The following HEATR4 variants were observed in gnomAD, a reference collection of about 807,000 sequenced individuals.
HEATR4 encodes the protein HEAT repeat-containing protein 4.
A neutral mutation model predicts 108.8 loss-of-function variants in HEATR4; 95 were observed. That is an observed-to-expected ratio of 0.87 (90% confidence interval 0.74 to 1.04). The LOEUF (loss-of-function observed/expected upper bound fraction) is 1.04. HEATR4 is among the 50% of genes least tolerant of loss of function. The pLI is 0.00. For missense variants in HEATR4, 1,152 were observed against 1,253.8 expected, an observed-to-expected ratio of 0.92 and a Z score of 1.23; for synonymous variants, 443 against 459.4, an observed-to-expected ratio of 0.96 and a Z score of 0.46.
rs1208022248 is a variant in HEATR4 at position 73,535,329 on chromosome 14, T to A, written c.-151-5085A>T. On this transcript the variant is annotated intron_variant, in intron 1 of 17. Transcript: ENST00000553558. ...TGAAAAGGTCATACCAGTTTATATA[T>A]CCACCAATATGAGTTTCTTTTCCAA... Among the ~76,000 whole-genome samples, 2 of 113,982 alleles carry A rather than the reference T, an allele frequency of 1.8e-5. 1 individual carries two copies. The highest frequency in any genetic ancestry group is 3.8e-5 in the Non-Finnish European group (2 of 52,534). 74.8% of individuals were successfully genotyped at this position (113,982 alleles called of 152,430 possible). A position where few individuals can be genotyped will look rare whatever the true frequency, so the allele number is the denominator to read the frequency against.
intron 1 of HEATR4, chr14:73,537,047 G>T: frequency 1.2e-5 from 2 of 164,648 alleles, no homozygotes; most frequent in Non-Finnish European, 1.1e-5. Flanking sequence ...GCAGTGGCAT[G>T]ATCTTGGCCA....
intron 7 of HEATR4, among the ~76,000 whole-genome samples, chr14:73,509,880 T>A (rs1288833075): frequency 3.2e-5 from 4 of 125,686 alleles, no homozygotes; most frequent in African/African-American, 1.2e-4. Flanking sequence ...TTATTTATTT[T>A]ATATATTTTT....
chr14:73,619,841 A>G, the HEATR4 span: 1 of 1,585,380 alleles, frequency 6.3e-7, no homozygotes, highest in African/African-American at 1.4e-5. Flanking sequence ...AAAATATAAC[A>G]TTGTAGCCAC....
In HEATR4 at chr14:73,492,099, G is replaced by A. The variant is rs753234159; in HGVS notation, c.2844+967C>T. ...GGTAGGAAACTCTGGCGTGTATACC[G>A]ACCCCGAGTCCCAACCGAGGAACTG... On this transcript the variant is annotated intron_variant, in intron 17 of 17. Coordinates refer to ENST00000553558, the MANE Select transcript of HEATR4 (RefSeq NM_001220484.1). The surrounding 1 kb of genome is among the most constrained non-coding windows in gnomAD (Gnocchi z 4.9). The A allele has an allele frequency of 8.1e-6, 13 of 1,613,882 alleles. No homozygotes were observed. The South Asian group carries it at 1.4e-4, about 18-fold the overall frequency.
chr14:73,587,551 T>G, the HEATR4 span, among the ~76,000 whole-genome samples: 1 of 152,196 alleles, frequency 6.6e-6, no homozygotes, highest in African/African-American at 2.4e-5. Context: ...AGACGGGGTT[T>G]TGCCACATTG....
chr14:73,589,662 T>C, the HEATR4 span, among the ~76,000 whole-genome samples: 10 of 152,242 alleles, frequency 6.6e-5, no homozygotes, highest in Non-Finnish European at 1.0e-4. Flanking sequence ...TAAACTGACA[T>C]GTATGGCCAG....
In HEATR4 at chr14:73,504,542, G is replaced by A. The variant is rs149212915; in HGVS notation, c.1987-1529C>T. ...CAGGTGCGAGCCACTGTGCCCGGCCGATTTTTGCATTTCTAATAATGCTCC... is the reference window on the plus strand; with the variant it reads ...CAGGTGCGAGCCACTGTGCCCGGCCAATTTTTGCATTTCTAATAATGCTCC... On this transcript the variant is annotated intron_variant, in intron 10 of 17. Coordinates refer to ENST00000553558, the MANE Select transcript of HEATR4 (RefSeq NM_001220484.1). 1.2e-4 allele frequency among the ~76,000 whole-genome samples: 18 copies of A among 152,152 alleles called. No homozygotes were observed. The East Asian group carries it at 3.5e-3, about 29-fold the overall frequency.
At position 73,538,195 on chromosome 14, in the gene HEATR4, A is replaced by T. The variant is rs1236384093; in HGVS notation, c.-151-7951T>A. On this transcript the variant is annotated intron_variant, in intron 1 of 17. Transcript: ENST00000553558. ...GTCCCTGCGCTTTTCATACGGAGAA[A>T]GGATGTAGCTTCCAACATTCCGGAG... Among the ~76,000 whole-genome samples, 6 of 114,286 alleles carry T rather than the reference A, an allele frequency of 5.2e-5. 2 individuals are homozygous for T. The allele number at this position is 114,286 out of a possible 152,430, so 75.0% of individuals were successfully genotyped here.
the HEATR4 span, among the ~76,000 whole-genome samples, chr14:73,598,217 C>CAAAAAAAAAAAA: frequency 4.7e-4 from 26 of 54,784 alleles, no homozygotes; most frequent in South Asian, 1.8e-3. Flanking sequence ...ACTAAAAATA[C>CAAAAAAAAAAAA]AAAAAAAAAA....
the HEATR4 span, chr14:73,592,268 C>T: frequency 6.2e-7 from 1 of 1,613,040 alleles, no homozygotes; most frequent in Admixed American, 1.7e-5. Flanking sequence ...TTCCTTTTGT[C>T]GTGGAGTTGG....
chr14:73,629,182 A>G, the HEATR4 span, among the ~76,000 whole-genome samples: 1 of 152,232 alleles, frequency 6.6e-6, no homozygotes, highest in Non-Finnish European at 1.5e-5. Flanking sequence ...CGACCCACTG[A>G]AGTCTCAGAT....
At chr14:73,594,452 G>A in the HEATR4 span, among the ~76,000 whole-genome samples, 12 of 100,008 alleles carry the variant, frequency 1.2e-4, no homozygotes, top group Non-Finnish European at 1.8e-4. Context: ...GCGGCTCAGC[G>A]GCTCAGCATT....
At chr14:73,512,201 A>T (rs774743487) in intron 6 of HEATR4, 52 bp from the exon 7 acceptor site, 1 of 1,599,126 alleles carries the variant, frequency 6.3e-7, no homozygotes, top group South Asian at 1.1e-5. Context: ...AGGGTTAGAT[A>T]TTGTGCTGCA....
the HEATR4 span, among the ~76,000 whole-genome samples, chr14:73,566,765 C>T: frequency 2.0e-5 from 3 of 151,750 alleles, no homozygotes; most frequent in Non-Finnish European, 4.4e-5. Context: ...CCTTGGCCAG[C>T]CCAGAAAGGG....
Position 73,538,626 on chromosome 14 carries a change from A to C in HEATR4, c.-151-8382T>G, listed in dbSNP as rs1482623365. ...GACTCCGTCTCAAAAAAAAAAAAAA[A>C]AAAAGGCATTGTAAGGAAAGAGAAA... On this transcript the variant is annotated intron_variant, in intron 1 of 17. Transcript: ENST00000553558. Among the ~76,000 whole-genome samples the C allele has an allele frequency of 3.6e-5, 4 of 110,740 alleles. 2 individuals are homozygous for C. The highest frequency in any genetic ancestry group is 7.8e-5 in the Non-Finnish European group (4 of 51,580). The allele number at this position is 110,740 out of a possible 152,430, so 72.6% of individuals were successfully genotyped here. A position where few individuals can be genotyped will look rare whatever the true frequency, so the allele number is the denominator to read the frequency against.
chr14:73,485,619 T>A (rs1885422273), intron 17 of HEATR4, among the ~76,000 whole-genome samples: 1 of 152,160 alleles, frequency 6.6e-6, no homozygotes, highest in Non-Finnish European at 1.5e-5. Context: ...ATTCCTGTAA[T>A]CCCAGCACTT....
chr14:73,512,005 C>A lies in HEATR4; in HGVS notation c.1558+1G>T. 1 of 1,613,912 alleles carries A rather than the reference C, an allele frequency of 6.2e-7. No individual in the cohort carries two copies. The highest frequency in any genetic ancestry group is 1.7e-4 in the Middle Eastern group (1 of 6,004). On this transcript the variant is annotated splice_donor_variant, in intron 7 of 17. Transcript: ENST00000553558. LOFTEE classifies it high-confidence loss of function. ...TCAAGCAGTTCAGCTTTGGCTCTCA[C>A]CTGAGTCTCTCTGGCTGGTGGCAAT...
chr14:73,592,392 C>T, the HEATR4 span: 4 of 1,545,092 alleles, frequency 2.6e-6, no homozygotes, highest in Non-Finnish European at 3.5e-6. Context: ...GGGCCGGGTG[C>T]GCGCCACGCT....
chr14:73,547,198 T>C lies in HEATR4; in HGVS notation c.-152+11553A>G, dbSNP rs1176819164. 1.8e-5 allele frequency among the ~76,000 whole-genome samples: 2 copies of C among 112,400 alleles called. 1 individual carries two copies. Among genetic ancestry groups the C allele is most frequent in the Non-Finnish European group, 3.9e-5 (2 of 51,400 alleles). The allele number at this position is 112,400 out of a possible 152,430, so 73.7% of individuals were successfully genotyped here. A position where few individuals can be genotyped will look rare whatever the true frequency, so the allele number is the denominator to read the frequency against. On this transcript the variant is annotated intron_variant, in intron 1 of 17. Transcript: ENST00000553558. Reference sequence around the variant, plus strand: ...GAGCTTGAGACCAGCCAGGCCAACATGGTAAAACGCCATCTCTACTGAAAA... The same window carrying C: ...GAGCTTGAGACCAGCCAGGCCAACACGGTAAAACGCCATCTCTACTGAAAA...
Sources: allele counts gnomAD v4.1 joint callset (sites outside exome capture counted in the v4.1 genomes callset), GRCh38; gene constraint gnomAD v4.1.1; non-coding constraint Gnocchi (gnomAD v3.1); transcripts MANE v1.5; gene names NCBI Gene and HGNC (gene_info 2026-07-23, HGNC 2026-07-21).